The following ITPR1 variants were observed in gnomAD, a reference collection of about 807,000 sequenced individuals.
ITPR1 encodes the protein inositol 1,4,5-trisphosphate receptor type 1.
In ITPR1, 96 loss-of-function variants were observed where a neutral mutation model predicts 318.4. The observed-to-expected ratio is 0.30, with a 90% confidence interval of 0.26 to 0.36. The LOEUF is 0.36. Ranked by LOEUF, ITPR1 falls within the 10% of genes least tolerant of loss-of-function variation. The probability of loss-of-function intolerance (pLI) is 1.00; values close to 1 mark genes in which losing one functional copy is unlikely to be tolerated. For missense variants in ITPR1, 2,440 were observed against 3,460.2 expected (o/e 0.71, Z 7.40); for synonymous variants, 1,312 against 1,289.9 (o/e 1.02, Z -0.37).
intron 13 of ITPR1, among the ~76,000 whole-genome samples, chr3:4,659,383 A>G (rs1205394751): frequency 6.6e-6 from 1 of 152,218 alleles, no homozygotes; most frequent in Non-Finnish European, 1.5e-5. Context: ...ATTGTCTTAA[A>G]TAATTGTTGT....
intron 24 of ITPR1, among the ~76,000 whole-genome samples, chr3:4,679,844 C>T (rs766482051): frequency 4.6e-5 from 7 of 152,188 alleles, no homozygotes; most frequent in Non-Finnish European, 7.3e-5. Flanking sequence ...GGAGGCAGGC[C>T]AGAGACCTAT....
chr3:4,674,274 G>C lies in ITPR1; in HGVS notation c.2529G>C (p.Glu843Asp), dbSNP rs1226190809. 1 of 1,591,948 alleles carries C rather than the reference G, an allele frequency of 6.3e-7. No individual in the cohort carries two copies. The highest frequency in any genetic ancestry group is 8.6e-7 in the Non-Finnish European group (1 of 1,167,484). Reference protein sequence around the residue: ...RFAQTMEFVEEYLRDVVCQRF... With the variant: ...RFAQTMEFVEDYLRDVVCQRF... ...CTCAGACCATGGAGTTTGTGGAGGA[G>C]TATTTAAGAGATGTGGTTTGTCAGA... Residue 843 changes from glutamate to aspartate, a missense_variant, in exon 22 of 62, where the codon GAG (glutamate) becomes GAC (aspartate). Physicochemically the swap from Glu to Asp is conservative, Grantham distance 45. Coordinates refer to ENST00000649015, the MANE Select transcript of ITPR1 (RefSeq NM_001378452.1).
Position 4,674,313 on chromosome 3 carries a change from T to C in ITPR1, c.2568T>C (p.Ser856=), listed in dbSNP as rs1231231857. 6.2e-7 allele frequency: 1 copy of C among 1,606,884 alleles called. No homozygotes were observed. Among genetic ancestry groups the C allele is most frequent in the African/African-American group, 1.3e-5 (1 of 74,868 alleles). The change falls in exon 22 of 62, where the codon TCT becomes TCC. Residue 856 remains serine, a synonymous_variant. Coordinates refer to ENST00000649015, the MANE Select transcript of ITPR1 (RefSeq NM_001378452.1). ...RDVVCQRFPF[S]DKEKNKLTFE... ...TGGTTTGTCAGAGGTTCCCTTTCTC[T>C]GATAAAGAGAAGAATAAGCTTACGT...
intron 11 of ITPR1, among the ~76,000 whole-genome samples, chr3:4,653,164 C>T (rs189489660): frequency 2.6e-5 from 4 of 152,290 alleles, no homozygotes; most frequent in Non-Finnish European, 5.9e-5. Context: ...AGATTCTAGT[C>T]GTGCATCAAA....
intron 4 of ITPR1, among the ~76,000 whole-genome samples, chr3:4,576,601 C>T (rs976305981): frequency 6.6e-6 from 1 of 152,320 alleles, no homozygotes; most frequent in East Asian, 1.9e-4. Context: ...AATAAATATG[C>T]CAGGCAGCTC....
intron 61 of ITPR1, among the ~76,000 whole-genome samples, chr3:4,840,095 T>C (rs2051232937): frequency 7.1e-6 from 1 of 141,124 alleles, no homozygotes; most frequent in Non-Finnish European, 1.5e-5. Flanking sequence ...TAAAAGGAAG[T>C]AGTCAGTGTT....
intron 4 of ITPR1, among the ~76,000 whole-genome samples, chr3:4,550,093 A>C (rs2124996392): frequency 6.6e-6 from 1 of 151,768 alleles, no homozygotes; most frequent in East Asian, 2.0e-4. Context: ...CTATAGTTTT[A>C]ACATTCCCCT....
Position 4,727,118 on chromosome 3 carries a change from C to G in ITPR1, c.5173-8C>G. The G allele has an allele frequency of 1.3e-6, 2 of 1,597,504 alleles. No homozygotes were observed. Among genetic ancestry groups the G allele is most frequent in the Non-Finnish European group, 1.7e-6 (2 of 1,178,292 alleles). On this transcript the variant is annotated splice_region_variant and splice_polypyrimidine_tract_variant and intron_variant, in intron 41 of 61. Coordinates refer to ENST00000649015, the MANE Select transcript of ITPR1 (RefSeq NM_001378452.1). ...TGTATTAAAATGGAATTTCTGCATG[C>G]CTAGCAGGAGCTTGAACCAAGTCCA...
chr3:4,794,799 A>G (rs917970364), intron 52 of ITPR1, among the ~76,000 whole-genome samples: 4 of 152,212 alleles, frequency 2.6e-5, no homozygotes, highest in African/African-American at 9.6e-5. Flanking sequence ...TGCAGGGTTT[A>G]TAGATGCTCC....
At chr3:4,762,212 C>T (rs189420356) in intron 44 of ITPR1, among the ~76,000 whole-genome samples, 7 of 152,098 alleles carry the variant, frequency 4.6e-5, no homozygotes, top group Non-Finnish European at 7.4e-5. Context: ...CTATGTTGCC[C>T]AGGTAGGCCT....
intron 37 of ITPR1, 145 bp downstream of exon 37, chr3:4,706,496 T>G (rs1011522476): frequency 1.5e-6 from 1 of 674,762 alleles, no homozygotes; most frequent in East Asian, 2.9e-5. Flanking sequence ...ATGTTATATA[T>G]GTAGGGCCAG....
At chr3:4,506,072 C>G (rs146310589) in intron 2 of ITPR1, among the ~76,000 whole-genome samples, 263 of 152,298 alleles carry the variant, frequency 1.7e-3, no homozygotes, top group African/African-American at 6.0e-3. Flanking sequence ...TTCTTTTTCA[C>G]AATTAATTGT....
At chr3:4,641,635 C>T (rs2093341328) in intron 6 of ITPR1, among the ~76,000 whole-genome samples, 1 of 152,216 alleles carries the variant, frequency 6.6e-6, no homozygotes, top group South Asian at 2.1e-4. Flanking sequence ...CTCTGCCTCC[C>T]GAAGTGCTGG....
At position 4,717,414 on chromosome 3, in the gene ITPR1, G is replaced by GT; in HGVS notation, c.5136+21dup. 3 of 1,589,198 alleles carry GT rather than the reference G, an allele frequency of 1.9e-6. No homozygotes were observed. The highest frequency in any genetic ancestry group is 2.6e-6 in the Non-Finnish European group (3 of 1,170,900). On this transcript the variant is annotated intron_variant, in intron 40 of 61. Transcript: ENST00000649015. ...ATAATGCTGAGGTCCTAATTTTGTT[G>GT]TTTTTTGTTTTTCATGTCTCATGGT...
intron 12 of ITPR1, among the ~76,000 whole-genome samples, chr3:4,656,685 C>G (rs983363555): frequency 7.9e-5 from 12 of 152,230 alleles, no homozygotes; most frequent in African/African-American, 2.9e-4. Context: ...CTCCCAGGCT[C>G]TCTCCTTTGC....
chr3:4,537,953 AT>A (rs1334439171), intron 4 of ITPR1, among the ~76,000 whole-genome samples: 1 of 152,112 alleles, frequency 6.6e-6, no homozygotes, highest in East Asian at 1.9e-4. Context: ...TTTCTGTCTT[AT>A]TACTCTTTAA....
chr3:4,647,125 T>C (rs1211048293), intron 10 of ITPR1, among the ~76,000 whole-genome samples: 1 of 152,208 alleles, frequency 6.6e-6, no homozygotes, highest in Admixed American at 6.5e-5. Flanking sequence ...TCTTGAACTT[T>C]GTATAAATGG....
intron 51 of ITPR1, among the ~76,000 whole-genome samples, chr3:4,786,285 C>T (rs1427362298): frequency 2.0e-5 from 3 of 152,226 alleles, no homozygotes; most frequent in Non-Finnish European, 4.4e-5. Flanking sequence ...ACTGACCCCA[C>T]ACCACAATTC....
At chr3:4,584,208 A>G (rs937976720) in intron 4 of ITPR1, among the ~76,000 whole-genome samples, 6 of 152,050 alleles carry the variant, frequency 3.9e-5, no homozygotes, top group African/African-American at 1.4e-4. Context: ...TCTCATGTTC[A>G]TTATGTATGA....
Sources: allele counts gnomAD v4.1 joint callset (sites outside exome capture counted in the v4.1 genomes callset), GRCh38; gene constraint gnomAD v4.1.1; transcripts MANE v1.5; gene names NCBI Gene and HGNC (gene_info 2026-07-23, HGNC 2026-07-21).